Variants in RABGAP1L observed in about 807,000 individuals in gnomAD.
RABGAP1L encodes RAB GTPase activating protein 1 like, also known as rab GTPase-activating protein 1-like.
A neutral mutation model predicts 137.7 loss-of-function variants in RABGAP1L; 63 were observed. That is an observed-to-expected ratio of 0.46 (90% confidence interval 0.37 to 0.56). The LOEUF (loss-of-function observed/expected upper bound fraction) is 0.56. Ranked by LOEUF, RABGAP1L falls within the 20% of genes least tolerant of loss-of-function variation. RABGAP1L has a pLI of 0.00. For missense variants in RABGAP1L, 1,095 were observed against 1,244.0 expected, an observed-to-expected ratio of 0.88 and a Z score of 1.80; for synonymous variants, 431 against 433.7, an observed-to-expected ratio of 0.99 and a Z score of 0.08.
chr1:174,610,515 A>T (rs570796409), intron 13 of RABGAP1L, among the ~76,000 whole-genome samples: 1 of 152,066 alleles, frequency 6.6e-6, no homozygotes, highest in Non-Finnish European at 1.5e-5. Context: ...CAATAAACAT[A>T]CGTGTGCACG....
chr1:174,328,876 C>A (rs1680777274), intron 11 of RABGAP1L, among the ~76,000 whole-genome samples: 1 of 151,592 alleles, frequency 6.6e-6, no homozygotes, highest in African/African-American at 2.4e-5. Context: ...TAATAAATGC[C>A]ATCATTAAAA....
intron 13 of RABGAP1L, among the ~76,000 whole-genome samples, chr1:174,451,132 T>G (rs1381696361): frequency 6.6e-6 from 1 of 152,208 alleles, no homozygotes; most frequent in Non-Finnish European, 1.5e-5. Context: ...TAGCTTGGGT[T>G]TATATTTATT....
chr1:174,507,606 G>A (rs1470062379), intron 13 of RABGAP1L, among the ~76,000 whole-genome samples: 9 of 151,802 alleles, frequency 5.9e-5, no homozygotes, highest in Non-Finnish European at 1.5e-5. Context: ...CTGCTAATGA[G>A]AAGCAAAAAA....
intron 13 of RABGAP1L, among the ~76,000 whole-genome samples, chr1:174,575,740 A>G (rs1437795118): frequency 3.9e-5 from 6 of 152,188 alleles, no homozygotes; most frequent in Non-Finnish European, 7.3e-5. Flanking sequence ...GCAGCCCGCA[A>G]TGCAGCGGGG....
chr1:174,195,622 TTCC>T (rs1361615568), intron 1 of RABGAP1L, among the ~76,000 whole-genome samples: 2 of 82,524 alleles, frequency 2.4e-5, no homozygotes, highest in Non-Finnish European at 4.7e-5. Context: ...TCTTTCTTCC[TTCC>T]TTCCTTCCTT....
intron 18 of RABGAP1L, among the ~76,000 whole-genome samples, chr1:174,793,069 T>C (rs1463131398): frequency 6.6e-6 from 1 of 151,874 alleles, no homozygotes; most frequent in Non-Finnish European, 1.5e-5. Flanking sequence ...GAGGCAGAGG[T>C]TGCAGTGAGC....
intron 14 of RABGAP1L, among the ~76,000 whole-genome samples, chr1:174,652,632 C>A (rs1675623289): frequency 6.6e-6 from 1 of 152,206 alleles, no homozygotes; most frequent in African/African-American, 2.4e-5. Flanking sequence ...GCATAGGCTT[C>A]AGAACAGCAA....
intron 13 of RABGAP1L, among the ~76,000 whole-genome samples, chr1:174,511,903 G>A (rs931844021): frequency 6.6e-6 from 1 of 152,064 alleles, no homozygotes; most frequent in African/African-American, 2.4e-5. Flanking sequence ...ACAAGCATAA[G>A]CCACTGTGCC....
chr1:174,282,121 G>T (rs915555170), intron 10 of RABGAP1L, among the ~76,000 whole-genome samples: 4 of 152,184 alleles, frequency 2.6e-5, no homozygotes, highest in African/African-American at 9.7e-5. Flanking sequence ...AATTAAAGCT[G>T]CTGTATCTTT....
chr1:174,231,655 GCTT>G (rs1370168619), intron 4 of RABGAP1L, among the ~76,000 whole-genome samples: 2 of 152,166 alleles, frequency 1.3e-5, no homozygotes, highest in African/African-American at 2.4e-5. Context: ...CATCTGCTCA[GCTT>G]CTGGGAGGGA....
intron 13 of RABGAP1L, among the ~76,000 whole-genome samples, chr1:174,449,565 T>C (rs902145959): frequency 6.6e-6 from 1 of 152,252 alleles, no homozygotes; most frequent in African/African-American, 2.4e-5. Flanking sequence ...ATTTTGTCTA[T>C]GTTTCTCTCA....
intron 13 of RABGAP1L, among the ~76,000 whole-genome samples, chr1:174,410,254 T>C (rs1181091621): frequency 2.0e-5 from 3 of 152,158 alleles, no homozygotes; most frequent in Non-Finnish European, 4.4e-5. Context: ...CGTTGAAATA[T>C]TGGGGGTGGG....
intron 18 of RABGAP1L, among the ~76,000 whole-genome samples, chr1:174,769,631 T>C (rs999372835): frequency 3.3e-5 from 5 of 152,320 alleles, no homozygotes; most frequent in East Asian, 3.9e-4. Flanking sequence ...TAGCTTGGCT[T>C]AAGCCCAGGA....
intron 13 of RABGAP1L, among the ~76,000 whole-genome samples, chr1:174,488,864 C>T: frequency 6.6e-6 from 1 of 151,626 alleles, no homozygotes; most frequent in East Asian, 1.9e-4. Context: ...GTGCTGCACC[C>T]ATTAACTCAT....
intron 13 of RABGAP1L, among the ~76,000 whole-genome samples, chr1:174,590,456 T>C (rs552508497): frequency 4.5e-5 from 5 of 112,046 alleles, no homozygotes; most frequent in African/African-American, 1.5e-4. Flanking sequence ...CCCACTAACG[T>C]GTCATCTAGC....
At chr1:174,354,586 G>T (rs971010168) in intron 11 of RABGAP1L, among the ~76,000 whole-genome samples, 3 of 152,234 alleles carry the variant, frequency 2.0e-5, no homozygotes, top group East Asian at 3.9e-4. Context: ...GATTAAGAAA[G>T]CATTTTCCTC....
chr1:174,460,282 GAAAT>G (rs1656531441), intron 13 of RABGAP1L, among the ~76,000 whole-genome samples: 1 of 151,724 alleles, frequency 6.6e-6, no homozygotes, highest in Non-Finnish European at 1.5e-5. Flanking sequence ...AATTGTCAAA[GAAAT>G]AGTTGCTCAT....
intron 19 of RABGAP1L, among the ~76,000 whole-genome samples, chr1:174,822,117 C>T (rs1443010584): frequency 6.6e-6 from 1 of 152,040 alleles, no homozygotes; most frequent in African/African-American, 2.4e-5. Context: ...AAAAATTAGC[C>T]GGGCATGGTG....
intron 13 of RABGAP1L, among the ~76,000 whole-genome samples, chr1:174,629,136 A>ACT (rs1673134032): frequency 6.6e-6 from 1 of 152,176 alleles, no homozygotes; most frequent in Admixed American, 6.5e-5. Flanking sequence ...AACTTTCTTG[A>ACT]CTCAAATATT....
Sources: gnomAD v4.1 joint callset for allele counts (sites outside exome capture counted in the v4.1 genomes callset) on GRCh38, gnomAD v4.1.1 for gene constraint, MANE v1.5 for transcripts, NCBI Gene and HGNC (gene_info 2026-07-23, HGNC 2026-07-21) for gene names.